ABTB3: variants seen among roughly 807,000 people sequenced by gnomAD.
ABTB3 encodes ankyrin repeat- and BTB/POZ domain-containing protein 3.
the ABTB3 span, among the ~76,000 whole-genome samples, chr12:107,529,351 T>G: frequency 6.6e-6 from 1 of 150,794 alleles, no homozygotes; most frequent in Non-Finnish European, 1.5e-5. Flanking sequence ...GAGATGATGG[T>G]GATGATGATG....
the ABTB3 span, among the ~76,000 whole-genome samples, chr12:107,503,102 A>G: frequency 6.6e-6 from 1 of 152,194 alleles, no homozygotes; most frequent in African/African-American, 2.4e-5. Context: ...GCAGAAGGAA[A>G]CCATGGGCAA....
At chr12:107,624,643 G>C in the ABTB3 span, among the ~76,000 whole-genome samples, 1 of 152,162 alleles carries the variant, frequency 6.6e-6, no homozygotes, top group Admixed American at 6.5e-5. Context: ...AGATCATCCA[G>C]GTTGTTGCAT....
the ABTB3 span, among the ~76,000 whole-genome samples, chr12:107,557,525 T>C: frequency 6.6e-6 from 1 of 152,262 alleles, no homozygotes; most frequent in African/African-American, 2.4e-5. Flanking sequence ...TTTTTCATTT[T>C]ATTTTAATTT....
the ABTB3 span, among the ~76,000 whole-genome samples, chr12:107,520,021 C>G: frequency 6.6e-6 from 1 of 152,014 alleles, no homozygotes; most frequent in East Asian, 1.9e-4. Flanking sequence ...GGTAACAGCC[C>G]GACCATCCAG....
the ABTB3 span, among the ~76,000 whole-genome samples, chr12:107,484,258 C>A: frequency 6.6e-6 from 1 of 152,242 alleles, no homozygotes; most frequent in Admixed American, 6.5e-5. Context: ...GGGGCCAAAG[C>A]TGCAGCTTCA....
chr12:107,318,986 C>G, the ABTB3 span: 1 of 1,613,692 alleles, frequency 6.2e-7, no homozygotes, highest in Non-Finnish European at 8.5e-7. Flanking sequence ...GCTGGAGGAT[C>G]TGACGCTGGA....
chr12:107,490,865 G>T, the ABTB3 span, among the ~76,000 whole-genome samples: 1 of 152,086 alleles, frequency 6.6e-6, no homozygotes, highest in Non-Finnish European at 1.5e-5. Context: ...TTAAATGATT[G>T]TCTCACTTAA....
At chr12:107,482,926 T>C in the ABTB3 span, among the ~76,000 whole-genome samples, 16 of 18,234 alleles carry the variant, frequency 8.8e-4, no homozygotes, top group African/African-American at 4.0e-3. Context: ...CTTTCTTTCT[T>C]TCTTTCTTTC....
At chr12:107,393,973 G>T in the ABTB3 span, among the ~76,000 whole-genome samples, 2 of 152,134 alleles carry the variant, frequency 1.3e-5, no homozygotes, top group Non-Finnish European at 2.9e-5. Context: ...AAAACAGTGT[G>T]CAGAGAGGTG....
chr12:107,620,221 C>T, the ABTB3 span: 55 of 1,584,434 alleles, frequency 3.5e-5, no homozygotes, highest in Non-Finnish European at 4.7e-5. Flanking sequence ...TGGAGGTTCC[C>T]AGATCTGAAC....
At chr12:107,372,151 A>G in the ABTB3 span, among the ~76,000 whole-genome samples, 14 of 152,320 alleles carry the variant, frequency 9.2e-5, no homozygotes, top group African/African-American at 2.9e-4. Context: ...CATCATCCCA[A>G]TTCTGCCCTG....
the ABTB3 span, among the ~76,000 whole-genome samples, chr12:107,492,275 C>T: frequency 6.6e-6 from 1 of 152,060 alleles, no homozygotes; most frequent in African/African-American, 2.4e-5. Flanking sequence ...CTGACTGGAA[C>T]CCCCTAATAA....
chr12:107,460,459 A>G, the ABTB3 span, among the ~76,000 whole-genome samples: 4 of 152,190 alleles, frequency 2.6e-5, no homozygotes, highest in African/African-American at 9.6e-5. Flanking sequence ...GTTCGAGACC[A>G]CCCTGGGCAA....
At chr12:107,615,099 C>T in the ABTB3 span, 35 of 1,613,906 alleles carry the variant, frequency 2.2e-5, no homozygotes, top group Admixed American at 5.0e-5. Context: ...CCGTCCACCC[C>T]GAGACCCGCC....
At chr12:107,614,041 G>A in the ABTB3 span, among the ~76,000 whole-genome samples, 5 of 152,130 alleles carry the variant, frequency 3.3e-5, no homozygotes, top group African/African-American at 1.2e-4. Flanking sequence ...ATTGGGTTCT[G>A]GAGCATTCTC....
the ABTB3 span, among the ~76,000 whole-genome samples, chr12:107,328,181 G>A: frequency 0.55 from 82,990 of 152,004 alleles, 23,084 homozygotes; most frequent in East Asian, 0.72. Flanking sequence ...CAAAGCAGGC[G>A]CTATTATTAT....
At chr12:107,546,831 C>T in the ABTB3 span, among the ~76,000 whole-genome samples, 1 of 152,178 alleles carries the variant, frequency 6.6e-6, no homozygotes, top group East Asian at 1.9e-4. Context: ...GGCTACTGCA[C>T]TCCAGCCTAG....
At chr12:107,441,163 A>G in the ABTB3 span, among the ~76,000 whole-genome samples, 1 of 152,200 alleles carries the variant, frequency 6.6e-6, no homozygotes, top group African/African-American at 2.4e-5. Flanking sequence ...ACGCACGCAC[A>G]TATTCATTGC....
the ABTB3 span, among the ~76,000 whole-genome samples, chr12:107,463,642 G>C: frequency 1.3e-5 from 2 of 152,284 alleles, no homozygotes; most frequent in Admixed American, 6.5e-5. Flanking sequence ...CATAAACTCA[G>C]TATAAGACAA....
Sources: allele counts gnomAD v4.1 joint callset (sites outside exome capture counted in the v4.1 genomes callset), GRCh38; gene constraint gnomAD v4.1.1; transcripts MANE v1.5; gene names NCBI Gene and HGNC (gene_info 2026-07-23, HGNC 2026-07-21).